Variants in RANBP3L observed in about 807,000 individuals in gnomAD.
RANBP3L encodes the protein RAN binding protein 3 like, also known as ran-binding protein 3-like.
In RANBP3L, 56 loss-of-function variants were observed where a neutral mutation model predicts 67.2. That is an observed-to-expected ratio of 0.83 (90% confidence interval 0.67 to 1.04). The LOEUF (loss-of-function observed/expected upper bound fraction) is 1.04, where lower values mean the gene tolerates loss of function less well. Ranked by LOEUF, RANBP3L falls within the 50% of genes least tolerant of loss-of-function variation. The pLI is 0.00. For synonymous variants in RANBP3L, 164 were observed against 181.4 expected (o/e 0.90, Z 0.77); for missense variants, 496 against 535.5 (o/e 0.93, Z 0.73).
At chr5:36,259,958 A>C (rs1749253309) in intron 8 of RANBP3L, among the ~76,000 whole-genome samples, 1 of 152,156 alleles carries the variant, frequency 6.6e-6, no homozygotes, top group Non-Finnish European at 1.5e-5. Flanking sequence ...TCACTAGGCA[A>C]GTATATTCTC....
intron 1 of RANBP3L, among the ~76,000 whole-genome samples, chr5:36,286,232 A>G (rs1751317761): frequency 6.6e-6 from 1 of 152,164 alleles, no homozygotes; most frequent in Admixed American, 6.5e-5. Flanking sequence ...CTTTTACTGC[A>G]TCCCTAACTT....
Position 36,249,716 on chromosome 5 carries a change from A to G in RANBP3L, c.1355-19T>C, listed in dbSNP as rs1377289728. The G allele has an allele frequency of 2.1e-6, 3 of 1,433,684 alleles. No homozygotes were observed. Among genetic ancestry groups the G allele is most frequent in the East Asian group, 2.4e-5 (1 of 41,880 alleles). The allele number at this position is 1,433,684 out of a possible 1,614,324, so 88.8% of individuals were successfully genotyped here. On this transcript the variant is annotated intron_variant, in intron 13 of 13. Transcript: ENST00000296604. ...GAAGGATCTGTGATATAAATTTAAA[A>G]TGTTTTATTATACAATATTATATTT...
intron 7 of RANBP3L, among the ~76,000 whole-genome samples, chr5:36,261,270 A>G (rs1241309366): frequency 6.6e-6 from 1 of 152,114 alleles, no homozygotes; most frequent in Admixed American, 6.5e-5. Flanking sequence ...GTTATAATTG[A>G]GTGTGCATTG....
Position 36,301,778 on chromosome 5 carries a change from G to C in RANBP3L, c.-362C>G, listed in dbSNP as rs1329193575. 1 of 172,894 alleles carries C rather than the reference G, an allele frequency of 5.8e-6. No homozygotes were observed. The highest frequency in any genetic ancestry group is 2.4e-5 in the African/African-American group (1 of 42,156). The allele number at this position is 172,894 out of a possible 1,614,324, so 10.7% of individuals were successfully genotyped here. ...TTGTCATTTTTAAATTCCTTTTGGC[G>C]ACATGAAATCCAATGCCTCCAGTAT... On this transcript the variant is annotated 5_prime_UTR_variant, in exon 1 of 14. Coordinates refer to ENST00000296604, the MANE Select transcript of RANBP3L (RefSeq NM_145000.5).
rs776068342 is a variant in RANBP3L, at chr5:36,265,467, T to A, written c.322A>T (p.Ile108Leu). Residue 108 changes from isoleucine (I) to leucine (L), a missense_variant, in exon 5 of 14, where the codon ATA becomes TTA. By Grantham distance (5) the Ile-to-Leu change is conservative. Coordinates refer to ENST00000296604, the MANE Select transcript of RANBP3L (RefSeq NM_145000.5). ...TSALVQSSVD[I>L]KSAEQGPVKH... ...TACATACCTTGTTCAGCACTCTTTA[T>A]ATCAACACTACTTTGCACAAGAGCT... 6.2e-7 allele frequency: 1 copy of A among 1,602,620 alleles called. No individual in the cohort carries two copies. Among genetic ancestry groups the A allele is most frequent in the Non-Finnish European group, 8.5e-7 (1 of 1,171,912 alleles).
rs113079716 is a variant in RANBP3L, at chr5:36,252,565, C to T, written c.1168-1066G>A. On this transcript the variant is annotated intron_variant, in intron 12 of 13. Coordinates refer to ENST00000296604, the MANE Select transcript of RANBP3L (RefSeq NM_145000.5). The stretch of plus-strand genomic sequence containing the variant: ...TTTCCCGAAGGTTATACGGTATGTA[C>T]GCTATGCTACATATATGTATGTATG... Among the ~76,000 whole-genome samples, 507 of 152,072 alleles carry T rather than the reference C, an allele frequency of 3.3e-3. 4 individuals carry two copies. The highest frequency in any genetic ancestry group is 5.3e-3 in the Non-Finnish European group (357 of 67,922).
chr5:36,266,210 G>T (rs930106721), intron 4 of RANBP3L, among the ~76,000 whole-genome samples: 1 of 152,088 alleles, frequency 6.6e-6, no homozygotes, highest in African/African-American at 2.4e-5. Flanking sequence ...TGTTAGCAAA[G>T]TCTGCCCACA....
chr5:36,274,480 C>T (rs1750436335), intron 1 of RANBP3L, among the ~76,000 whole-genome samples: 1 of 151,836 alleles, frequency 6.6e-6, no homozygotes, highest in Admixed American at 6.6e-5. Context: ...ACATTCCAAG[C>T]AGAGGGAAAA....
intron 1 of RANBP3L, among the ~76,000 whole-genome samples, chr5:36,283,410 A>AAC (rs1188622448): frequency 6.6e-6 from 1 of 151,628 alleles, no homozygotes; most frequent in Non-Finnish European, 1.5e-5. Flanking sequence ...CAAAAAAAAA[A>AAC]AAACACCAAA....
Position 36,293,892 on chromosome 5 carries a change from G to A in RANBP3L, c.91+7434C>T, listed in dbSNP as rs934963351. 1.6e-4 allele frequency among the ~76,000 whole-genome samples: 24 copies of A among 147,994 alleles called. No individual in the cohort carries two copies. The South Asian group carries it at 2.0e-3, about 12-fold the overall frequency. On this transcript the variant is annotated intron_variant, in intron 1 of 13. Transcript: ENST00000296604. The stretch of plus-strand genomic sequence containing the variant: ...TTGGTTGTGTCTCTGCCCGGCTTTG[G>A]TATCAGGATGATGCTGGCCTCATAG...
In RANBP3L at chr5:36,301,077, A is replaced by C. The variant is rs114417626; in HGVS notation, c.91+249T>G. Reference sequence around the variant, plus strand: ...TGTTTTGAATTAGACAAAATCTAGCATACTCTAAAAAACACAGTGGCTAGA... The same window carrying C: ...TGTTTTGAATTAGACAAAATCTAGCCTACTCTAAAAAACACAGTGGCTAGA... On this transcript the variant is annotated intron_variant, in intron 1 of 13. Transcript: ENST00000296604. 9.3e-3 allele frequency among the ~76,000 whole-genome samples: 1,415 copies of C among 152,292 alleles called. 22 individuals are homozygous for C. Among genetic ancestry groups the C allele is most frequent in the African/African-American group, 0.032 (1,319 of 41,544 alleles).
At chr5:36,291,475 T>G (rs1340342299) in intron 1 of RANBP3L, among the ~76,000 whole-genome samples, 1 of 152,110 alleles carries the variant, frequency 6.6e-6, no homozygotes, top group Non-Finnish European at 1.5e-5. Flanking sequence ...TGTATACATA[T>G]GCCATGCTGG....
intron 4 of RANBP3L, among the ~76,000 whole-genome samples, chr5:36,268,540 A>G (rs1298764359): frequency 6.6e-6 from 1 of 152,158 alleles, no homozygotes; most frequent in East Asian, 1.9e-4. Flanking sequence ...GGAAAAATAT[A>G]TACATAGATG....
intron 1 of RANBP3L, among the ~76,000 whole-genome samples, chr5:36,290,754 T>C: frequency 9.0e-6 from 1 of 111,132 alleles, no homozygotes; most frequent in Non-Finnish European, 1.8e-5. Flanking sequence ...TTTTTTGAGA[T>C]GGAGTCTCAC....
intron 8 of RANBP3L, among the ~76,000 whole-genome samples, chr5:36,259,048 T>G: frequency 6.6e-6 from 1 of 152,238 alleles, no homozygotes; most frequent in East Asian, 1.9e-4. Flanking sequence ...GAAAGCATTG[T>G]CTGACATTTT....
At chr5:36,292,135 A>G (rs1751833340) in intron 1 of RANBP3L, among the ~76,000 whole-genome samples, 1 of 151,914 alleles carries the variant, frequency 6.6e-6, no homozygotes. Context: ...TTTGATTTGC[A>G]TTCTCTGATG....
chr5:36,293,078 G>C (rs975998957), intron 1 of RANBP3L, among the ~76,000 whole-genome samples: 6 of 114,714 alleles, frequency 5.2e-5, no homozygotes, highest in Non-Finnish European at 1.1e-4. Context: ...TTATTTCCTT[G>C]AGCAGTGGTT....
At chr5:36,251,925 A>T (rs776989572) in intron 12 of RANBP3L, among the ~76,000 whole-genome samples, 56 of 152,082 alleles carry the variant, frequency 3.7e-4, no homozygotes, top group Non-Finnish European at 7.2e-4. Flanking sequence ...AGCTCATTAG[A>T]GCAGTCTATG....
intron 7 of RANBP3L, among the ~76,000 whole-genome samples, chr5:36,261,362 C>T (rs373995197): frequency 6.6e-6 from 1 of 152,166 alleles, no homozygotes; most frequent in East Asian, 1.9e-4. Flanking sequence ...ACCGGAAGCC[C>T]GCTCTTTGTA....
Sources: allele counts gnomAD v4.1 joint callset (sites outside exome capture counted in the v4.1 genomes callset), GRCh38; gene constraint gnomAD v4.1.1; transcripts MANE v1.5; gene names NCBI Gene and HGNC (gene_info 2026-07-23, HGNC 2026-07-21).